Variants in ROBO1 observed in about 807,000 individuals in gnomAD.
ROBO1 encodes the protein roundabout guidance receptor 1.
ROBO1 carries 149 observed loss-of-function variants against 195.9 expected under a neutral mutation model. The ratio of observed to expected loss-of-function variants is 0.76; its 90% CI spans 0.67 to 0.87. The LOEUF is 0.87. Among genes scored for constraint, ROBO1 ranks in the 40% least tolerant of loss-of-function variants. The pLI is 0.00. For missense variants in ROBO1, 1,933 were observed against 2,068.3 expected, an observed-to-expected ratio of 0.93 and a Z score of 1.27; for synonymous variants, 816 against 733.2, an observed-to-expected ratio of 1.11 and a Z score of -1.82.
rs368952947 is a variant in ROBO1, at chr3:78,854,438, TG to T, written c.499+84162del. Among the ~76,000 whole-genome samples the T allele has an allele frequency of 7.9e-3, 1,190 of 150,886 alleles. 14 individuals are homozygous for T. The highest frequency in any genetic ancestry group is 0.035 in the Middle Eastern group (10 of 286). On this transcript the variant is annotated intron_variant, in intron 4 of 30. Transcript: ENST00000464233. ...ACATAGAGAGAGACATATATCTTAC[TG>T]GTTCTATTTGTCTGGAGAACCCTGA...
intron 26 of ROBO1, 32 bp downstream of exon 26, chr3:78,627,289 T>G: frequency 1.9e-6 from 3 of 1,597,356 alleles, no homozygotes; most frequent in Non-Finnish European, 2.6e-6. Flanking sequence ...AATTATCTGA[T>G]TTGTTAGCAA....
chr3:79,734,131 A>G (rs1703278144), intron 1 of ROBO1, among the ~76,000 whole-genome samples: 2 of 152,056 alleles, frequency 1.3e-5, no homozygotes, highest in African/African-American at 4.8e-5. Flanking sequence ...TATTTTTAAT[A>G]GTGACGGGGT....
intron 4 of ROBO1, among the ~76,000 whole-genome samples, chr3:78,849,857 C>CACAA (rs2033935484): frequency 6.6e-6 from 1 of 151,842 alleles, no homozygotes; most frequent in Non-Finnish European, 1.5e-5. Flanking sequence ...CACACACACA[C>CACAA]ACACACACAC....
intron 2 of ROBO1, among the ~76,000 whole-genome samples, chr3:79,225,084 G>A (rs771729098): frequency 1.1e-4 from 17 of 152,062 alleles, no homozygotes; most frequent in Admixed American, 5.9e-4. Context: ...ATTCCAGAGA[G>A]AAGGAATAGC....
rs545394859 is a variant in ROBO1 at position 79,449,071 on chromosome 3, TA to T, written c.88+140752del. On this transcript the variant is annotated intron_variant, in intron 2 of 30. Coordinates refer to ENST00000464233, the MANE Select transcript of ROBO1 (RefSeq NM_002941.4). ...TAGGGAGATCCCTGTCTCTACAGAA[TA>T]AAAAAAACATTAGCCGAGTGTGGTG... Among the ~76,000 whole-genome samples the T allele has an allele frequency of 4.0e-5, 6 of 151,518 alleles. No homozygotes were observed. In the East Asian group the frequency reaches 1.2e-3, roughly 30 times the overall value.
intron 1 of ROBO1, among the ~76,000 whole-genome samples, chr3:79,610,773 A>G (rs1944633307): frequency 6.6e-6 from 1 of 152,064 alleles, no homozygotes; most frequent in Non-Finnish European, 1.5e-5. Context: ...GAATTGAAGA[A>G]GGGATACCAT....
chr3:78,711,348 CTCCTTCCTTCCT>C (rs1191923818), intron 8 of ROBO1, among the ~76,000 whole-genome samples: 118 of 54,672 alleles, frequency 2.2e-3, no homozygotes, highest in South Asian at 4.3e-3. Flanking sequence ...TCCTTCCTTC[CTCCTTCCTTCCT>C]TCCTTCCTTC....
At chr3:79,257,595 G>C in intron 2 of ROBO1, among the ~76,000 whole-genome samples, 1 of 152,054 alleles carries the variant, frequency 6.6e-6, no homozygotes, top group East Asian at 1.9e-4. Context: ...AGTTGGGGTT[G>C]TTCACATTCC....
At chr3:79,443,029 T>C (rs1251455778) in intron 2 of ROBO1, among the ~76,000 whole-genome samples, 2 of 152,224 alleles carry the variant, frequency 1.3e-5, no homozygotes, top group African/African-American at 2.4e-5. Context: ...ATGAAAATCA[T>C]GCTTTTACAT....
At chr3:79,311,924 T>A (rs2033506377) in intron 2 of ROBO1, among the ~76,000 whole-genome samples, 1 of 152,128 alleles carries the variant, frequency 6.6e-6, no homozygotes, top group Admixed American at 6.5e-5. Context: ...TCTACAGGTC[T>A]CTATATCCAT....
chr3:79,512,146 A>G (rs924041842), intron 2 of ROBO1, among the ~76,000 whole-genome samples: 8 of 151,920 alleles, frequency 5.3e-5, no homozygotes, highest in Admixed American at 5.3e-4. Flanking sequence ...TTTTTCAGGA[A>G]GACATTGAGG....
chr3:78,679,481 T>G (rs2080833306), intron 10 of ROBO1, among the ~76,000 whole-genome samples: 1 of 152,182 alleles, frequency 6.6e-6, no homozygotes, highest in African/African-American at 2.4e-5. Flanking sequence ...CAGCAAAGTC[T>G]CAGGATACAA....
intron 2 of ROBO1, among the ~76,000 whole-genome samples, chr3:79,242,787 T>A (rs930634833): frequency 3.3e-5 from 5 of 152,144 alleles, no homozygotes; most frequent in Admixed American, 3.3e-4. Context: ...ATAGCTACAA[T>A]GCATTGACTG....
Position 79,147,066 on chromosome 3 carries a change from A to G in ROBO1, c.89-21527T>C, listed in dbSNP as rs183489727. 4.3e-3 allele frequency among the ~76,000 whole-genome samples: 659 copies of G among 152,136 alleles called. 4 individuals are homozygous for G. The highest frequency in any genetic ancestry group is 6.5e-3 in the Non-Finnish European group (445 of 67,962). ...AAAGCGTCTCTGATCTAAACTAGAT[A>G]GCTGCATAACATAAATGTTCTGAAT... On this transcript the variant is annotated intron_variant, in intron 2 of 30. Transcript: ENST00000464233.
chr3:79,207,855 A>C (rs569995588), intron 2 of ROBO1, among the ~76,000 whole-genome samples: 1 of 152,062 alleles, frequency 6.6e-6, no homozygotes, highest in East Asian at 1.9e-4. Context: ...ACTAGTAATC[A>C]GATAGAATTT....
chr3:79,087,945 A>C (rs1217763431), intron 3 of ROBO1, among the ~76,000 whole-genome samples: 1 of 152,088 alleles, frequency 6.6e-6, no homozygotes, highest in Non-Finnish European at 1.5e-5. Flanking sequence ...AGGGTATCCC[A>C]ATTTACATAT....
chr3:79,038,970 T>C (rs2078431656), intron 3 of ROBO1, among the ~76,000 whole-genome samples: 1 of 152,166 alleles, frequency 6.6e-6, no homozygotes, highest in Non-Finnish European at 1.5e-5. Context: ...TTTCTCTCTA[T>C]GCAGAAGAGA....
chr3:79,089,829 C>A (rs147057406), intron 3 of ROBO1, among the ~76,000 whole-genome samples: 88 of 152,242 alleles, frequency 5.8e-4, no homozygotes, highest in African/African-American at 1.8e-3. Context: ...CTGTTCCAAT[C>A]ATCTGCCTAT....
intron 3 of ROBO1, among the ~76,000 whole-genome samples, chr3:79,082,706 T>A (rs992745191): frequency 6.6e-6 from 1 of 152,126 alleles, no homozygotes; most frequent in African/African-American, 2.4e-5. Context: ...AGTGTCTTAC[T>A]ATGTTACCCT....
Sources: allele counts gnomAD v4.1 joint callset (sites outside exome capture counted in the v4.1 genomes callset), GRCh38; gene constraint gnomAD v4.1.1; transcripts MANE v1.5; gene names NCBI Gene and HGNC (gene_info 2026-07-23, HGNC 2026-07-21).